Variants in GALNT17 observed in about 807,000 individuals in gnomAD.
The protein encoded by GALNT17 is UDP-GalNAc:polypeptide N-acetylgalactosaminyltransferase-like 3.
A neutral mutation model predicts 63.7 loss-of-function variants in GALNT17; 29 were observed. The ratio of observed to expected loss-of-function variants is 0.46; its 90% CI spans 0.34 to 0.62. The LOEUF is 0.62. GALNT17 is among the 20% of genes least tolerant of loss of function. The pLI is 0.01. For synonymous variants in GALNT17, 305 were observed against 318.3 expected (o/e 0.96, Z 0.45); for missense variants, 603 against 799.6 (o/e 0.75, Z 2.97).
rs542325970 is a variant in GALNT17 at position 71,505,012 on chromosome 7, C to T, written c.963-66273C>T. Reference sequence around the variant, plus strand: ...TGCAATCTTAGGGCAAGTTGGATCACACCCCACACGCTGTTGTGTGCATAC... The same window carrying T: ...TGCAATCTTAGGGCAAGTTGGATCATACCCCACACGCTGTTGTGTGCATAC... On this transcript the variant is annotated intron_variant, in intron 5 of 10. Coordinates refer to ENST00000333538, the MANE Select transcript of GALNT17 (RefSeq NM_022479.3). Among the ~76,000 whole-genome samples, 4 of 152,298 alleles carry T rather than the reference C, an allele frequency of 2.6e-5. 1 individual carries two copies. In the South Asian group the frequency reaches 8.3e-4, roughly 32 times the overall value.
intron 2 of GALNT17, among the ~76,000 whole-genome samples, chr7:71,362,102 G>A (rs958385378): frequency 2.0e-4 from 31 of 152,108 alleles, no homozygotes; most frequent in African/African-American, 7.0e-4. Context: ...GATTACAGGC[G>A]CCTGCCACCA....
chr7:71,260,529 C>T (rs1222196236), intron 1 of GALNT17, among the ~76,000 whole-genome samples: 1 of 152,144 alleles, frequency 6.6e-6, no homozygotes, highest in Non-Finnish European at 1.5e-5. Context: ...TCTACTCCTC[C>T]TCTTTTATGC....
chr7:71,325,950 T>G (rs572061383), intron 1 of GALNT17, among the ~76,000 whole-genome samples: 24 of 152,236 alleles, frequency 1.6e-4, no homozygotes, highest in Non-Finnish European at 3.2e-4. Context: ...TGCCAACGTA[T>G]ATTTAAAATT....
intron 1 of GALNT17, among the ~76,000 whole-genome samples, chr7:71,256,095 C>T (rs916684763): frequency 5.3e-5 from 8 of 152,218 alleles, no homozygotes; most frequent in African/African-American, 1.7e-4. Context: ...TCCACAACTC[C>T]TTATCACAAC....
intron 2 of GALNT17, among the ~76,000 whole-genome samples, chr7:71,387,793 G>C (rs1398128298): frequency 6.6e-6 from 1 of 152,120 alleles, no homozygotes; most frequent in Non-Finnish European, 1.5e-5. Flanking sequence ...AGATGGCACA[G>C]GTAGATGCAG....
chr7:71,353,835 A>T (rs1792231209), intron 2 of GALNT17, among the ~76,000 whole-genome samples: 1 of 152,196 alleles, frequency 6.6e-6, no homozygotes, highest in Non-Finnish European at 1.5e-5. Context: ...ATAAAGAAAT[A>T]CCTCAGGCTG....
At chr7:71,681,931 G>T (rs1403392742) in intron 9 of GALNT17, among the ~76,000 whole-genome samples, 1 of 151,942 alleles carries the variant, frequency 6.6e-6, no homozygotes, top group Non-Finnish European at 1.5e-5. Context: ...TTGTTTGTTT[G>T]TTTGTTTTGT....
intron 5 of GALNT17, among the ~76,000 whole-genome samples, chr7:71,451,884 G>C (rs1017739388): frequency 6.6e-5 from 10 of 151,730 alleles, no homozygotes; most frequent in Non-Finnish European, 1.2e-4. Flanking sequence ...TCACCGAATT[G>C]TGGTTTTTTT....
Position 71,441,523 on chromosome 7 carries a change from T to C in GALNT17, c.962+20418T>C, listed in dbSNP as rs143575127. ...GGGATACATTTGCAGAACGTGCAGGTTTGTTAACACAGGTATACATGTGCC... is the reference window on the plus strand; with the variant it reads ...GGGATACATTTGCAGAACGTGCAGGCTTGTTAACACAGGTATACATGTGCC... On this transcript the variant is annotated intron_variant, in intron 5 of 10. Coordinates refer to ENST00000333538, the MANE Select transcript of GALNT17 (RefSeq NM_022479.3). Among the ~76,000 whole-genome samples, 399 of 152,276 alleles carry C rather than the reference T, an allele frequency of 2.6e-3. 5 individuals carry two copies. The highest frequency in any genetic ancestry group is 9.4e-3 in the African/African-American group (391 of 41,564).
At chr7:71,293,281 C>T (rs978068776) in intron 1 of GALNT17, among the ~76,000 whole-genome samples, 2 of 152,150 alleles carry the variant, frequency 1.3e-5, no homozygotes, top group Non-Finnish European at 2.9e-5. Flanking sequence ...AACCACTATA[C>T]TGTTTTCCAT....
intron 6 of GALNT17, among the ~76,000 whole-genome samples, chr7:71,593,215 T>A (rs3942005): frequency 6.9e-6 from 1 of 144,384 alleles, no homozygotes; most frequent in Non-Finnish European, 1.5e-5. Context: ...GGACAAGAAG[T>A]CTAAATGGAA....
At chr7:71,338,127 A>G (rs916365394) in intron 2 of GALNT17, among the ~76,000 whole-genome samples, 26 of 151,800 alleles carry the variant, frequency 1.7e-4, no homozygotes, top group African/African-American at 6.3e-4. Context: ...GGAGATCGAG[A>G]CCATTCTGGC....
intron 6 of GALNT17, among the ~76,000 whole-genome samples, chr7:71,618,711 G>A (rs1790251810): frequency 6.6e-6 from 1 of 151,958 alleles, no homozygotes; most frequent in South Asian, 2.1e-4. Flanking sequence ...TGGATTTTAG[G>A]CCTTTGCTGG....
intron 2 of GALNT17, among the ~76,000 whole-genome samples, chr7:71,384,539 G>A (rs781646148): frequency 3.9e-5 from 6 of 152,182 alleles, no homozygotes; most frequent in Non-Finnish European, 5.9e-5. Context: ...TTTGAGGGTA[G>A]TATGTGGTGG....
intron 6 of GALNT17, among the ~76,000 whole-genome samples, chr7:71,649,252 G>A (rs1175128074): frequency 1.3e-5 from 2 of 152,186 alleles, no homozygotes; most frequent in African/African-American, 2.4e-5. Flanking sequence ...GACCTTGAGT[G>A]AGGGATTCTC....
rs892372037 is a variant in GALNT17, at chr7:71,221,951, A to G, written c.238+88911A>G. ...TTTTTTGACGAAGTCTTTGTTTCCT[A>G]GGCTGGAATGTGGTGGCATGATCTC... On this transcript the variant is annotated intron_variant, in intron 1 of 10. Coordinates refer to ENST00000333538, the MANE Select transcript of GALNT17 (RefSeq NM_022479.3). Among the ~76,000 whole-genome samples, 17 of 113,790 alleles carry G rather than the reference A, an allele frequency of 1.5e-4. No individual in the cohort carries two copies. The Admixed American group carries it at 2.1e-3, about 14-fold the overall frequency. 74.7% of individuals were successfully genotyped at this position (113,790 alleles called of 152,430 possible). A position where few individuals can be genotyped will look rare whatever the true frequency, so the allele number is the denominator to read the frequency against.
At chr7:71,410,930 T>A (rs930242482) in intron 3 of GALNT17, among the ~76,000 whole-genome samples, 3 of 152,200 alleles carry the variant, frequency 2.0e-5, no homozygotes, top group Non-Finnish European at 2.9e-5. Context: ...AATTTTGTAT[T>A]GGATTTTATA....
intron 1 of GALNT17, among the ~76,000 whole-genome samples, chr7:71,252,221 C>CAAAAAAAAAAAA: frequency 8.2e-6 from 1 of 121,752 alleles, no homozygotes. Context: ...TCCTGAAACT[C>CAAAAAAAAAAAA]AAAAAAAAAA....
intron 9 of GALNT17, among the ~76,000 whole-genome samples, chr7:71,681,837 A>G (rs972194018): frequency 2.0e-5 from 3 of 152,188 alleles, no homozygotes; most frequent in African/African-American, 4.8e-5. Flanking sequence ...GTCTGATCCC[A>G]TAGCTTCCCC....
Sources: gnomAD v4.1 joint callset for allele counts (sites outside exome capture counted in the v4.1 genomes callset) on GRCh38, gnomAD v4.1.1 for gene constraint, MANE v1.5 for transcripts, NCBI Gene and HGNC (gene_info 2026-07-23, HGNC 2026-07-21) for gene names.